NCKAP1: variants seen among roughly 807,000 people sequenced by gnomAD.
The protein encoded by NCKAP1 is nck-associated protein 1.
Under a neutral mutation model 151.2 loss-of-function variants are expected in NCKAP1, and 21 were observed. That is an observed-to-expected ratio of 0.14 (90% CI 0.10 to 0.20). The LOEUF is 0.20. Among genes scored for constraint, NCKAP1 ranks in the 10% least tolerant of loss-of-function variants. NCKAP1 has a pLI of 1.00. For missense variants in NCKAP1, 933 were observed against 1,352.1 expected, an observed-to-expected ratio of 0.69 and a Z score of 4.86; for synonymous variants, 484 against 451.8, an observed-to-expected ratio of 1.07 and a Z score of -0.90.
intron 6 of NCKAP1, among the ~76,000 whole-genome samples, chr2:182,996,930 G>A (rs1470573587): frequency 1.3e-5 from 2 of 152,160 alleles, no homozygotes; most frequent in Admixed American, 1.3e-4. Flanking sequence ...AACTAAGAAT[G>A]TTTTAAAAAT....
chr2:182,983,390 GA>G lies in NCKAP1; in HGVS notation c.1005-9del. The stretch of plus-strand genomic sequence containing the variant: ...TCTCTGTGCATTGAACCACTATGGG[GA>G]AAGACACCATAATAGTTTATCTGCT... On this transcript the variant is annotated splice_polypyrimidine_tract_variant and intron_variant, in intron 10 of 30. Transcript: ENST00000361354. 6.4e-7 allele frequency: 1 copy of G among 1,573,180 alleles called. No homozygotes were observed. Among genetic ancestry groups the G allele is most frequent in the Non-Finnish European group, 8.7e-7 (1 of 1,144,634 alleles).
intron 8 of NCKAP1, among the ~76,000 whole-genome samples, chr2:182,992,251 G>A (rs1034663574): frequency 1.3e-5 from 2 of 152,188 alleles, no homozygotes; most frequent in Non-Finnish European, 2.9e-5. Flanking sequence ...AGAATTTGAG[G>A]CAACTCCTAA....
chr2:182,938,561 T>A (rs1392108730), intron 24 of NCKAP1, among the ~76,000 whole-genome samples: 1 of 151,872 alleles, frequency 6.6e-6, no homozygotes, highest in East Asian at 1.9e-4. Flanking sequence ...GGTGGGACAA[T>A]CAAACAGTGC....
chr2:182,976,851 C>A (rs1457038372), intron 15 of NCKAP1, 42 bp downstream of exon 15: 15 of 1,303,312 alleles, frequency 1.2e-5, no homozygotes, highest in South Asian at 1.7e-5. Flanking sequence ...TTCATGTTAA[C>A]TAAAATAACA....
intron 2 of NCKAP1, among the ~76,000 whole-genome samples, chr2:183,017,673 C>A (rs1032576382): frequency 6.6e-6 from 1 of 152,096 alleles, no homozygotes; most frequent in African/African-American, 2.4e-5. Context: ...GGACCCTGAT[C>A]TAGAGCACAG....
At chr2:182,970,380 A>G (rs898680665) in intron 15 of NCKAP1, among the ~76,000 whole-genome samples, 3 of 152,212 alleles carry the variant, frequency 2.0e-5, no homozygotes, top group African/African-American at 2.4e-5. Context: ...ATACTAGCAC[A>G]CAGAATTCAA....
At chr2:182,935,677 T>C (rs1031158144) in intron 24 of NCKAP1, among the ~76,000 whole-genome samples, 2 of 151,848 alleles carry the variant, frequency 1.3e-5, no homozygotes, top group African/African-American at 4.8e-5. Flanking sequence ...TAACTTTATA[T>C]AAATTATATT....
chr2:182,976,738 C>T (rs1697832092), intron 15 of NCKAP1, among the ~76,000 whole-genome samples, 155 bp downstream of exon 15: 2 of 152,036 alleles, frequency 1.3e-5, no homozygotes, highest in South Asian at 4.1e-4. Flanking sequence ...ATTTATCCAA[C>T]TTTAATAATT....
intron 1 of NCKAP1, 80 bp downstream of exon 1, chr2:183,037,912 C>T (rs1034816788): frequency 7.9e-6 from 9 of 1,132,730 alleles, no homozygotes; most frequent in South Asian, 1.7e-5. Context: ...CTCCTGCCGC[C>T]CCCACCCCAC....
chr2:183,035,882 T>A (rs945823225), intron 1 of NCKAP1, among the ~76,000 whole-genome samples: 1 of 152,138 alleles, frequency 6.6e-6, no homozygotes, highest in African/African-American at 2.4e-5. Flanking sequence ...GCCTCGAGTA[T>A]CAGATAAGGC....
At chr2:182,999,404 A>G (rs899993492) in intron 6 of NCKAP1, among the ~76,000 whole-genome samples, 1 of 149,776 alleles carries the variant, frequency 6.7e-6, no homozygotes, top group Non-Finnish European at 1.5e-5. Context: ...GCTCAACATC[A>G]CTAATCATCA....
intron 16 of NCKAP1, among the ~76,000 whole-genome samples, chr2:182,966,887 T>C (rs1697582836): frequency 6.6e-6 from 1 of 152,190 alleles, no homozygotes; most frequent in African/African-American, 2.4e-5. Context: ...TTGACCTTGA[T>C]CTACAACATT....
intron 1 of NCKAP1, among the ~76,000 whole-genome samples, chr2:183,030,208 T>C (rs1001373667): frequency 6.6e-6 from 1 of 152,210 alleles, no homozygotes; most frequent in African/African-American, 2.4e-5. Flanking sequence ...TTTATTTTTT[T>C]GAGACAGCAT....
At chr2:183,020,464 C>CAAAAAAAAAAAA (rs1179083096) in intron 2 of NCKAP1, among the ~76,000 whole-genome samples, 1 of 71,580 alleles carries the variant, frequency 1.4e-5, no homozygotes, top group African/African-American at 5.2e-5. Context: ...GACCGTGTCC[C>CAAAAAAAAAAAA]AAAAAAAAAA....
rs1697386099 is a variant in NCKAP1 at position 182,959,100 on chromosome 2, A to G, written c.1882-1504T>C. Among the ~76,000 whole-genome samples the G allele has an allele frequency of 2.6e-5, 4 of 152,220 alleles. No homozygotes were observed. The South Asian group carries it at 6.2e-4, about 24-fold the overall frequency. On this transcript the variant is annotated intron_variant, in intron 18 of 30. Coordinates refer to ENST00000361354, the MANE Select transcript of NCKAP1 (RefSeq NM_013436.5). The stretch of plus-strand genomic sequence containing the variant: ...TTTACATAGTATCTCCATTGGACAG[A>G]GCTGGGCCAAGGAAAGTTATTTAGT...
At chr2:182,970,018 C>T (rs1575037967) in intron 15 of NCKAP1, among the ~76,000 whole-genome samples, 2 of 151,796 alleles carry the variant, frequency 1.3e-5, no homozygotes, top group South Asian at 2.1e-4. Context: ...ACTGGAAAAC[C>T]GACATGAAAT....
intron 23 of NCKAP1, among the ~76,000 whole-genome samples, chr2:182,944,885 T>G (rs1451773928): frequency 6.6e-6 from 1 of 152,186 alleles, no homozygotes; most frequent in African/African-American, 2.4e-5. Flanking sequence ...ATGGATCACC[T>G]GAAGCCAAGA....
intron 14 of NCKAP1, 57 bp downstream of exon 14, chr2:182,978,777 A>C: frequency 1.9e-6 from 2 of 1,037,092 alleles, no homozygotes; most frequent in Non-Finnish European, 2.8e-6. Flanking sequence ...CTCCTTAATA[A>C]TCAAGTTTGA....
intron 23 of NCKAP1, among the ~76,000 whole-genome samples, chr2:182,942,517 AC>A (rs1697017579): frequency 6.6e-6 from 1 of 152,120 alleles, no homozygotes; most frequent in Admixed American, 6.5e-5. Flanking sequence ...AAACAAAAAA[AC>A]TAGCTAAAGT....
Sources: gnomAD v4.1 joint callset for allele counts (sites outside exome capture counted in the v4.1 genomes callset) on GRCh38, gnomAD v4.1.1 for gene constraint, MANE v1.5 for transcripts, NCBI Gene and HGNC (gene_info 2026-07-23, HGNC 2026-07-21) for gene names.